Variants in ELMO1 observed in about 807,000 individuals in gnomAD.
ELMO1 encodes engulfment and cell motility 1.
ELMO1 carries 26 observed loss-of-function variants against 98.9 expected under a neutral mutation model. That is an observed-to-expected ratio of 0.26 (90% CI 0.19 to 0.36). The LOEUF (loss-of-function observed/expected upper bound fraction) is 0.36. Ranked by LOEUF, ELMO1 falls within the 10% of genes least tolerant of loss-of-function variation. The probability of loss-of-function intolerance (pLI) is 1.00; values close to 1 mark genes in which losing one functional copy is unlikely to be tolerated. For synonymous variants in ELMO1, 346 were observed against 346.0 expected, an observed-to-expected ratio of 1.00 and a Z score of 0.00; for missense variants, 627 against 935.2, an observed-to-expected ratio of 0.67 and a Z score of 4.30.
intron 4 of ELMO1, 122 bp from the exon 5 acceptor site, chr7:37,272,004 T>C: frequency 1.2e-6 from 1 of 800,734 alleles, no homozygotes; most frequent in Non-Finnish European, 2.0e-6. Flanking sequence ...TGAATAATTT[T>C]TAATTATTTC....
intron 2 of ELMO1, among the ~76,000 whole-genome samples, chr7:37,332,435 A>C (rs1373460845): frequency 6.6e-6 from 1 of 152,248 alleles, no homozygotes; most frequent in Non-Finnish European, 1.5e-5. Context: ...TAGTGATTAC[A>C]ATGCTGACAA....
intron 16 of ELMO1, among the ~76,000 whole-genome samples, chr7:36,995,664 T>A (rs1342683930): frequency 6.6e-6 from 1 of 152,092 alleles, no homozygotes; most frequent in African/African-American, 2.4e-5. Context: ...GTAAAAAAAA[T>A]TTTAACAGAT....
At chr7:37,026,366 C>A (rs1261904675) in intron 15 of ELMO1, among the ~76,000 whole-genome samples, 6 of 152,038 alleles carry the variant, frequency 3.9e-5, no homozygotes, top group African/African-American at 1.4e-4. Context: ...GCAAAATGGG[C>A]TAAAAATAAG....
intron 13 of ELMO1, among the ~76,000 whole-genome samples, chr7:37,167,469 G>A (rs1264745826): frequency 2.7e-5 from 4 of 150,910 alleles, no homozygotes; most frequent in Admixed American, 2.0e-4. Flanking sequence ...TTTTGCAGCG[G>A]CTGGTACCGG....
At chr7:36,985,000 G>A in intron 16 of ELMO1, 1 of 985,362 alleles carries the variant, frequency 1.0e-6, no homozygotes, top group Non-Finnish European at 1.2e-6. Flanking sequence ...ACATTTTTAA[G>A]TTTGCAGCTA....
chr7:37,184,504 G>C (rs929649), intron 13 of ELMO1, among the ~76,000 whole-genome samples: 1 of 152,234 alleles, frequency 6.6e-6, no homozygotes, highest in East Asian at 1.9e-4. Flanking sequence ...AAGGCCAAAA[G>C]TGAATACGTT....
intron 13 of ELMO1, among the ~76,000 whole-genome samples, chr7:37,179,906 C>A (rs1790738422): frequency 6.6e-6 from 1 of 152,096 alleles, no homozygotes; most frequent in Admixed American, 6.5e-5. Flanking sequence ...TGTGCAGGAG[C>A]CCAGTAGGCA....
At chr7:37,400,696 G>A (rs1803489188) in intron 1 of ELMO1, among the ~76,000 whole-genome samples, 1 of 152,132 alleles carries the variant, frequency 6.6e-6, no homozygotes, top group Admixed American at 6.5e-5. Flanking sequence ...GAGATACCAG[G>A]AAAGATCAAA....
At chr7:37,039,720 C>T (rs1264109380) in intron 15 of ELMO1, among the ~76,000 whole-genome samples, 2 of 152,186 alleles carry the variant, frequency 1.3e-5, no homozygotes, top group African/African-American at 2.4e-5. Context: ...TCTAATTCCT[C>T]TTCCTAGCTA....
At chr7:36,926,929 AT>A (rs1016927194) in intron 16 of ELMO1, among the ~76,000 whole-genome samples, 12 of 152,204 alleles carry the variant, frequency 7.9e-5, no homozygotes, top group Admixed American at 7.2e-4. Context: ...CCCGTAACTT[AT>A]TTTTAAAGCA....
intron 14 of ELMO1, among the ~76,000 whole-genome samples, chr7:37,119,349 A>G (rs1785837626): frequency 6.6e-6 from 1 of 152,210 alleles, no homozygotes; most frequent in Non-Finnish European, 1.5e-5. Context: ...AATGTATGTT[A>G]AGTACTCAGA....
At chr7:37,043,049 T>TA (rs35050432) in intron 15 of ELMO1, among the ~76,000 whole-genome samples, 5 of 152,204 alleles carry the variant, frequency 3.3e-5, no homozygotes, top group Non-Finnish European at 5.9e-5. Flanking sequence ...GCCAGTCACC[T>TA]AAAAAATGGC....
intron 4 of ELMO1, among the ~76,000 whole-genome samples, chr7:37,304,348 AG>A (rs995203607): frequency 6.6e-6 from 1 of 151,942 alleles, no homozygotes; most frequent in Non-Finnish European, 1.5e-5. Context: ...AGGGTGTGTG[AG>A]GGTGTGTGTG....
chr7:36,967,676 G>C (rs1584451229), intron 16 of ELMO1, among the ~76,000 whole-genome samples: 2 of 152,190 alleles, frequency 1.3e-5, no homozygotes, highest in African/African-American at 4.8e-5. Flanking sequence ...TAGGGATTCA[G>C]GCACCTGGTG....
chr7:37,015,028 T>C (rs1436592340), intron 15 of ELMO1, among the ~76,000 whole-genome samples: 1 of 152,100 alleles, frequency 6.6e-6, no homozygotes, highest in Non-Finnish European at 1.5e-5. Context: ...TCAACCTTCA[T>C]GAATACAGTG....
chr7:37,377,959 G>A (rs575013988), intron 1 of ELMO1, among the ~76,000 whole-genome samples: 17 of 152,280 alleles, frequency 1.1e-4, no homozygotes, highest in African/African-American at 3.1e-4. Flanking sequence ...TATGGAAATC[G>A]ACCTTGTCTT....
chr7:37,288,278 G>A (rs1276585572), intron 4 of ELMO1, among the ~76,000 whole-genome samples: 1 of 151,548 alleles, frequency 6.6e-6, no homozygotes, highest in Non-Finnish European at 1.5e-5. Flanking sequence ...AGGCTGGAGT[G>A]CAATGGCACG....
intron 14 of ELMO1, among the ~76,000 whole-genome samples, chr7:37,126,860 C>G (rs1370900113): frequency 6.6e-6 from 1 of 152,146 alleles, no homozygotes; most frequent in Admixed American, 6.5e-5. Context: ...GATTTTTCTT[C>G]TTTTAGTTGG....
intron 16 of ELMO1, among the ~76,000 whole-genome samples, chr7:36,920,130 C>G (rs79595925): frequency 0.049 from 7,477 of 152,342 alleles, 287 homozygotes; most frequent in South Asian, 0.14. Context: ...CTCTTCTACT[C>G]TGGCTAATAT....
Sources: allele counts gnomAD v4.1 joint callset (sites outside exome capture counted in the v4.1 genomes callset), GRCh38; gene constraint gnomAD v4.1.1; transcripts MANE v1.5; gene names NCBI Gene and HGNC (gene_info 2026-07-23, HGNC 2026-07-21).